The following KCNC3 variants were observed in gnomAD, a reference collection of about 807,000 sequenced individuals.
KCNC3 encodes potassium voltage-gated channel subfamily C member 3.
Under a neutral mutation model 43.9 loss-of-function variants are expected in KCNC3, and 22 were observed. The ratio of observed to expected loss-of-function variants is 0.50; its 90% confidence interval spans 0.36 to 0.72. KCNC3 has a LOEUF of 0.72. Among genes scored for constraint, KCNC3 ranks in the 30% least tolerant of loss-of-function variants. The probability of loss-of-function intolerance (pLI) is 0.00; values close to 1 mark genes in which losing one functional copy is unlikely to be tolerated. For missense variants in KCNC3, 829 were observed against 1,073.8 expected (o/e 0.77, Z 3.19); for synonymous variants, 492 against 488.0 (o/e 1.01, Z -0.11).
At chr19:50,316,599 G>A (rs533567780) in intron 4 of KCNC3, among the ~76,000 whole-genome samples, 51 of 152,252 alleles carry the variant, frequency 3.3e-4, no homozygotes, top group African/African-American at 1.1e-3. Context: ...AGCCGGGTGT[G>A]GTGGCAGGCA....
intron 4 of KCNC3, among the ~76,000 whole-genome samples, chr19:50,316,445 T>C (rs1350814346): frequency 2.6e-5 from 4 of 150,996 alleles, no homozygotes; most frequent in Non-Finnish European, 5.9e-5. Context: ...TAGGGGACAA[T>C]TAGGGAGGGA....
chr19:50,327,948 G>T (rs2037125603), intron 1 of KCNC3, among the ~76,000 whole-genome samples: 1 of 151,226 alleles, frequency 6.6e-6, no homozygotes, highest in Non-Finnish European at 1.5e-5. Context: ...AAGCGTCTAG[G>T]GTGGCCTTGG....
rs889528972 is a variant in KCNC3, at chr19:50,323,221, C to T, written c.1732G>A (p.Asp578Asn). 1 of 1,552,596 alleles carries T rather than the reference C, an allele frequency of 6.4e-7. No homozygotes were observed. The highest frequency in any genetic ancestry group is 8.7e-7 in the Non-Finnish European group (1 of 1,155,754). ...TGGGGCGGGGGTGGCGGGGGTGGGT[C>T]AGGCTTGCAGTAGTTGGGCGAGCCC... ...QPGSPNYCKP[D>N]PPPPPPPHPH... Residue 578 changes from aspartate (D) to asparagine (N), a missense_variant, in exon 2 of 5, where the codon GAC becomes AAC. Asp to Asn is a conservative substitution (Grantham distance 23). Transcript: ENST00000477616.
Position 50,320,656 on chromosome 19 carries a change from G to A in KCNC3, c.2107C>T (p.Arg703Trp), listed in dbSNP as rs141194974. The A allele has an allele frequency of 4.1e-5, 66 of 1,613,494 alleles. No homozygotes were observed. Among genetic ancestry groups the A allele is most frequent in the Admixed American group, 2.8e-4 (17 of 60,016 alleles). ...GTGAGGAGGAAGCAGGCTCGGTCCC[G>A]GCTATAGCGGCCACGGCTTCCAGGC... ...ITPGSRGRYS[R>W]DRACFLLTDY... The change falls in exon 3 of 5, where the codon CGG (arginine) becomes TGG (tryptophan). Residue 703 changes from arginine (R) to tryptophan (W), a missense_variant. This residue lies in a region of KCNC3 where 308 missense variants were observed against 276.2 expected (regional missense o/e 1.11). Coordinates refer to ENST00000477616, the MANE Select transcript of KCNC3 (RefSeq NM_004977.3).
chr19:50,325,698 C>T (rs2037095499), intron 1 of KCNC3, among the ~76,000 whole-genome samples: 1 of 152,120 alleles, frequency 6.6e-6, no homozygotes, highest in South Asian at 2.1e-4. Context: ...GCGCTAGCTG[C>T]GGCACCGCAG....
chr19:50,320,553 G>A, intron 3 of KCNC3, 40 bp downstream of exon 3: 1 of 1,577,858 alleles, frequency 6.3e-7, no homozygotes, highest in Non-Finnish European at 8.6e-7. Flanking sequence ...AGGGGAGAGA[G>A]AGGGAGGGTC....
In KCNC3 at chr19:50,323,719, A is replaced by C. The variant is rs139046602; in HGVS notation, c.1234T>G (p.Phe412Val). 2 of 1,614,102 alleles carry C rather than the reference A, an allele frequency of 1.2e-6. No individual in the cohort carries two copies. Among genetic ancestry groups the C allele is most frequent in the African/African-American group, 2.7e-5 (2 of 74,952 alleles). ...SSKAAKDVLG[F>V]LRVVRFVRIL... ...CGGACGAAGCGGACCACCCGCAGGAAGCCCAGCACGTCTTTGGCGGCCTTG... is the reference window on the plus strand; with the variant it reads ...CGGACGAAGCGGACCACCCGCAGGACGCCCAGCACGTCTTTGGCGGCCTTG... The change falls in exon 2 of 5, where the codon TTC (phenylalanine) becomes GTC (valine). Residue 412 changes from phenylalanine (F) to valine (V), a missense_variant. Around this residue, in one of 7 missense-constraint regions of KCNC3, gnomAD observed 157 missense variants for 293.5 expected, o/e 0.53. Coordinates refer to ENST00000477616, the MANE Select transcript of KCNC3 (RefSeq NM_004977.3).
Position 50,324,132 on chromosome 19 carries a change from G to C in KCNC3, c.871-50C>G. 1 of 1,531,896 alleles carries C rather than the reference G, an allele frequency of 6.5e-7. No individual in the cohort carries two copies. Among genetic ancestry groups the C allele is most frequent in the Non-Finnish European group, 8.8e-7 (1 of 1,140,272 alleles). 94.9% of individuals were successfully genotyped at this position (1,531,896 alleles called of 1,614,324 possible). The stretch of plus-strand genomic sequence containing the variant: ...GGGGGAGAGGTGACCTAGGCATCAG[G>C]TTGGCCATAACATCCAGAAGACCCT... On this transcript the variant is annotated intron_variant, in intron 1 of 4. Transcript: ENST00000477616. This position sits in a 1 kb window ranked among gnomAD's most constrained non-coding sequence, Gnocchi z 4.1.
At position 50,329,012 on chromosome 19, in the gene KCNC3, G is replaced by C. The variant is rs775818633; in HGVS notation, c.71C>G (p.Pro24Arg). Residue 24 changes from proline (P) to arginine (R), a missense_variant, in exon 1 of 5, where the codon CCG (proline) becomes CGG (arginine). Physicochemically the swap from Pro to Arg is moderately radical, Grantham distance 103. Around this residue, in one of 7 missense-constraint regions of KCNC3, gnomAD observed 129 missense variants for 83.6 expected, o/e 1.54. Coordinates refer to ENST00000477616, the MANE Select transcript of KCNC3 (RefSeq NM_004977.3). Reference sequence around the variant, plus strand: ...CGGCGGGGACTCGGGCGGCTGCGGCGGTGGCGCCGGCTGCTGCTTGCTGGC... The same window carrying C: ...CGGCGGGGACTCGGGCGGCTGCGGCCGTGGCGCCGGCTGCTGCTTGCTGGC... ...QGASKQQPAPPPQPPESPPPP... is the reference protein window; with the variant it reads ...QGASKQQPAPRPQPPESPPPP... 2.3e-6 allele frequency: 3 copies of C among 1,301,832 alleles called. No homozygotes were observed. The highest frequency in any genetic ancestry group is 2.0e-5 in the South Asian group (1 of 48,834). 80.6% of individuals were successfully genotyped at this position (1,301,832 alleles called of 1,614,324 possible). A position where few individuals can be genotyped will look rare whatever the true frequency, so the allele number is the denominator to read the frequency against.
chr19:50,314,945 C>G lies in KCNC3; in HGVS notation c.*1170G>C, dbSNP rs1568568524. 1 of 299,070 alleles carries G rather than the reference C, an allele frequency of 3.3e-6. No homozygotes were observed. Among genetic ancestry groups the G allele is most frequent in the Non-Finnish European group, 6.5e-6 (1 of 153,564 alleles). The allele number at this position is 299,070 out of a possible 1,614,324, so 18.5% of individuals were successfully genotyped here. A position where few individuals can be genotyped will look rare whatever the true frequency, so the allele number is the denominator to read the frequency against. ...AAGGGGCGCGAGGCGCAGGGACACCCCGCTCAGGCCCGCGATGCTGCTGAG... is the reference window on the plus strand; with the variant it reads ...AAGGGGCGCGAGGCGCAGGGACACCGCGCTCAGGCCCGCGATGCTGCTGAG... On this transcript the variant is annotated 3_prime_UTR_variant, in exon 5 of 5. Transcript: ENST00000477616.
intron 1 of KCNC3, among the ~76,000 whole-genome samples, chr19:50,326,654 A>G (rs2037110012): frequency 6.6e-6 from 1 of 151,144 alleles, no homozygotes; most frequent in East Asian, 2.0e-4. Flanking sequence ...AATTGCCCCC[A>G]TTTTGCACTG....
chr19:50,320,329 G>A lies in KCNC3; in HGVS notation c.2191C>T (p.Pro731Ser), dbSNP rs1391031962. The change falls in exon 4 of 5, where the codon CCC becomes TCC. Residue 731 changes from proline to serine, a missense_variant. Transcript: ENST00000477616. ...IRKATGAPPLPPQDWRKPGPP... is the reference protein window; with the variant it reads ...IRKATGAPPLSPQDWRKPGPP... ...CCTGGCTTACGCCAGTCTTGGGGGGGCAGTGGGGGAGCACCAGTGGCTGGG... is the reference window on the plus strand; with the variant it reads ...CCTGGCTTACGCCAGTCTTGGGGGGACAGTGGGGGAGCACCAGTGGCTGGG... 8 of 386,960 alleles carry A rather than the reference G, an allele frequency of 2.1e-5. No individual in the cohort carries two copies. Among genetic ancestry groups the A allele is most frequent in the East Asian group, 6.3e-5 (1 of 15,822 alleles). The allele number at this position is 386,960 out of a possible 1,614,324, so 24.0% of individuals were successfully genotyped here. A position where few individuals can be genotyped will look rare whatever the true frequency, so the allele number is the denominator to read the frequency against.
upstream of KCNC3, among the ~76,000 whole-genome samples, chr19:50,330,129 T>C (rs901072223): frequency 6.6e-6 from 1 of 151,752 alleles, no homozygotes; most frequent in African/African-American, 2.4e-5. Flanking sequence ...TAGTCGGGCG[T>C]GGTTGTGGGT....
chr19:50,318,392 C>T (rs896318166), intron 4 of KCNC3, among the ~76,000 whole-genome samples: 6 of 152,090 alleles, frequency 3.9e-5, no homozygotes, highest in Admixed American at 6.6e-5. Context: ...CCAGGCTGGT[C>T]TCGAACTCCT....
At chr19:50,322,670 T>C (rs1326299159) in intron 2 of KCNC3, among the ~76,000 whole-genome samples, 2 of 152,278 alleles carry the variant, frequency 1.3e-5, no homozygotes, top group African/African-American at 4.8e-5. Context: ...ACCCTCTTTC[T>C]GTGTCTCTCT....
At position 50,324,552 on chromosome 19, in the gene KCNC3, G is replaced by A. The variant is rs976759540; in HGVS notation, c.871-470C>T. On this transcript the variant is annotated intron_variant, in intron 1 of 4. Coordinates refer to ENST00000477616, the MANE Select transcript of KCNC3 (RefSeq NM_004977.3). The surrounding 1 kb of genome is among the most constrained non-coding windows in gnomAD (Gnocchi z 4.1). ...GGGCAGACGGGAAGGGAGAAGGCGG[G>A]CAGGGAGGCAGAATCGTGAGGTGGT... Among the ~76,000 whole-genome samples, 1 of 152,216 alleles carries A rather than the reference G, an allele frequency of 6.6e-6. No individual in the cohort carries two copies. The highest frequency in any genetic ancestry group is 1.5e-5 in the Non-Finnish European group (1 of 68,040).
chr19:50,325,591 C>A (rs1176472757), intron 1 of KCNC3, among the ~76,000 whole-genome samples: 15 of 152,140 alleles, frequency 9.9e-5, no homozygotes, highest in Non-Finnish European at 1.9e-4. Context: ...GAACTCCCCC[C>A]CCACCCCCAC....
At position 50,323,741 on chromosome 19, in the gene KCNC3, C is replaced by T; in HGVS notation, c.1212G>A (p.Lys404=). The T allele has an allele frequency of 7.4e-6, 12 of 1,614,224 alleles. No homozygotes were observed. Among genetic ancestry groups the T allele is most frequent in the Non-Finnish European group, 9.3e-6 (11 of 1,180,040 alleles). The change falls in exon 2 of 5, where the codon AAG becomes AAA. Residue 404 remains lysine (K), a synonymous_variant. Coordinates refer to ENST00000477616, the MANE Select transcript of KCNC3 (RefSeq NM_004977.3). ...GGAAGCCCAGCACGTCTTTGGCGGC[C>T]TTGGAGCTGAGGCCCGAGAGGCCCA... The part of the protein sequence containing the change: ...LEVGLSGLSS[K]AAKDVLGFLR...
At position 50,315,910 on chromosome 19, in the gene KCNC3, C is replaced by A; in HGVS notation, c.*205G>T. 5.9e-6 allele frequency: 2 copies of A among 339,502 alleles called. No homozygotes were observed. The highest frequency in any genetic ancestry group is 5.0e-5 in the Admixed American group (1 of 20,166). 21.0% of individuals were successfully genotyped at this position (339,502 alleles called of 1,614,324 possible). On this transcript the variant is annotated 3_prime_UTR_variant, in exon 5 of 5. Transcript: ENST00000477616. ...CCCGCAGGGAGCTCTGTGGCTTTTC[C>A]AGGCAACGCTAAGGGAGCTGTCTGG...
Sources: allele counts gnomAD v4.1 joint callset (sites outside exome capture counted in the v4.1 genomes callset), GRCh38; gene constraint gnomAD v4.1.1; regional missense constraint gnomAD v4.1.1; non-coding constraint Gnocchi (gnomAD v3.1); transcripts MANE v1.5; gene names NCBI Gene and HGNC (gene_info 2026-07-23, HGNC 2026-07-21).